The following CLSTN2 variants were observed in gnomAD, a reference collection of about 807,000 sequenced individuals.
The protein encoded by CLSTN2 is calsyntenin-2.
Under a neutral mutation model 101.2 loss-of-function variants are expected in CLSTN2, and 48 were observed. That is an observed-to-expected ratio of 0.47 (90% CI 0.38 to 0.60). The LOEUF is 0.60. Among genes scored for constraint, CLSTN2 ranks in the 20% least tolerant of loss-of-function variants. CLSTN2 has a pLI of 0.00. For synonymous variants in CLSTN2, 481 were observed against 463.6 expected, an observed-to-expected ratio of 1.04 and a Z score of -0.48; for missense variants, 1,160 against 1,238.2, an observed-to-expected ratio of 0.94 and a Z score of 0.95.
chr3:140,231,687 G>A (rs2086373277), intron 2 of CLSTN2, among the ~76,000 whole-genome samples: 1 of 152,166 alleles, frequency 6.6e-6, no homozygotes, highest in Admixed American at 6.5e-5. Flanking sequence ...GATAAGATTG[G>A]GAATCAATTA....
chr3:139,998,773 C>A (rs2006749765), intron 1 of CLSTN2, among the ~76,000 whole-genome samples: 1 of 152,112 alleles, frequency 6.6e-6, no homozygotes, highest in East Asian at 1.9e-4. Context: ...AGCTTCAGAA[C>A]TGCAGAGTCT....
chr3:140,203,030 C>G (rs893701830), intron 2 of CLSTN2, among the ~76,000 whole-genome samples: 1 of 152,122 alleles, frequency 6.6e-6, no homozygotes, highest in Non-Finnish European at 1.5e-5. Context: ...ATAGTGGAAC[C>G]CCAAGGTGGG....
intron 2 of CLSTN2, among the ~76,000 whole-genome samples, chr3:140,377,238 C>G (rs1452223797): frequency 6.6e-6 from 1 of 152,140 alleles, no homozygotes; most frequent in Non-Finnish European, 1.5e-5. Flanking sequence ...TACTGCACTG[C>G]TAGTCATATA....
intron 8 of CLSTN2, chr3:140,508,216 T>C (rs1375085735): frequency 6.6e-6 from 1 of 151,410 alleles, no homozygotes; most frequent in Non-Finnish European, 1.5e-5. Context: ...GCCAGGGACT[T>C]CTCAACTCTT....
intron 1 of CLSTN2, among the ~76,000 whole-genome samples, chr3:140,046,873 G>A (rs191232504): frequency 6.6e-6 from 1 of 151,942 alleles, no homozygotes; most frequent in African/African-American, 2.4e-5. Flanking sequence ...TTCCACATTT[G>A]AGTGAAGTGC....
At chr3:140,189,359 T>G (rs956078680) in intron 2 of CLSTN2, among the ~76,000 whole-genome samples, 5 of 152,202 alleles carry the variant, frequency 3.3e-5, no homozygotes, top group Non-Finnish European at 7.3e-5. Context: ...ATTTTTACTT[T>G]CCCACCGGCA....
chr3:140,144,289 C>T (rs920409080), intron 1 of CLSTN2, among the ~76,000 whole-genome samples: 2 of 152,140 alleles, frequency 1.3e-5, no homozygotes, highest in African/African-American at 2.4e-5. Context: ...TAGAAGATTG[C>T]AGACTTATTC....
At chr3:140,541,138 A>G (rs1189421802) in intron 9 of CLSTN2, among the ~76,000 whole-genome samples, 2 of 151,604 alleles carry the variant, frequency 1.3e-5, no homozygotes, top group East Asian at 3.9e-4. Flanking sequence ...GCCACATCTC[A>G]TTGTCTGGCA....
intron 1 of CLSTN2, among the ~76,000 whole-genome samples, chr3:140,171,381 T>C (rs1576454106): frequency 6.6e-6 from 1 of 151,856 alleles, no homozygotes; most frequent in Non-Finnish European, 1.5e-5. Context: ...TAGACTGCTT[T>C]CCAGTTAGTT....
At chr3:140,421,504 A>G (rs952808758) in intron 5 of CLSTN2, among the ~76,000 whole-genome samples, 1 of 152,214 alleles carries the variant, frequency 6.6e-6, no homozygotes, top group African/African-American at 2.4e-5. Context: ...CAGTTTGTCC[A>G]GTGCTCCCTT....
At chr3:140,119,561 C>T (rs1301099987) in intron 1 of CLSTN2, among the ~76,000 whole-genome samples, 1 of 152,160 alleles carries the variant, frequency 6.6e-6, no homozygotes, top group African/African-American at 2.4e-5. Flanking sequence ...GTTGCCCAGG[C>T]TAGAGTACAG....
At chr3:140,240,150 CTG>C (rs56181174) in intron 2 of CLSTN2, among the ~76,000 whole-genome samples, 6,238 of 18,146 alleles carry the variant, frequency 0.34, 1,196 homozygotes, top group East Asian at 0.52. Flanking sequence ...CTCTCTCTCT[CTG>C]TCTCTCTCTC....
intron 1 of CLSTN2, among the ~76,000 whole-genome samples, chr3:139,983,985 T>C (rs1935980535): frequency 6.6e-6 from 1 of 152,230 alleles, no homozygotes; most frequent in African/African-American, 2.4e-5. Flanking sequence ...TTCCTTACAT[T>C]TCTTTCTTTC....
chr3:139,940,861 A>C (rs1471509007), intron 1 of CLSTN2, among the ~76,000 whole-genome samples: 1 of 152,058 alleles, frequency 6.6e-6, no homozygotes, highest in African/African-American at 2.4e-5. Flanking sequence ...TTGCTATCTA[A>C]GTAAATAAAC....
At chr3:140,532,876 T>C (rs1935286996) in intron 9 of CLSTN2, among the ~76,000 whole-genome samples, 1 of 152,172 alleles carries the variant, frequency 6.6e-6, no homozygotes, top group African/African-American at 2.4e-5. Flanking sequence ...GGATCTCCCT[T>C]TATCCCCACA....
chr3:140,337,714 G>A (rs76175701), intron 2 of CLSTN2, among the ~76,000 whole-genome samples: 2,615 of 152,212 alleles, frequency 0.017, 74 homozygotes, highest in African/African-American at 0.058. Flanking sequence ...GATTTCTTGA[G>A]CCCCAGATTA....
chr3:140,018,011 G>C (rs565872558), intron 1 of CLSTN2, among the ~76,000 whole-genome samples: 37 of 152,248 alleles, frequency 2.4e-4, no homozygotes, highest in African/African-American at 8.2e-4. Flanking sequence ...GTCTATTTTT[G>C]TTTCTAAAGA....
At chr3:140,329,279 C>A (rs775385526) in intron 2 of CLSTN2, among the ~76,000 whole-genome samples, 9 of 152,220 alleles carry the variant, frequency 5.9e-5, no homozygotes, top group Non-Finnish European at 1.0e-4. Context: ...ATCCCACCTA[C>A]TCAGGAAGGT....
intron 1 of CLSTN2, among the ~76,000 whole-genome samples, chr3:139,968,450 G>A (rs965598755): frequency 6.6e-6 from 1 of 152,138 alleles, no homozygotes; most frequent in African/African-American, 2.4e-5. Context: ...TATCAAAAGG[G>A]CTTGTGGGAG....
Sources: allele counts gnomAD v4.1 joint callset (sites outside exome capture counted in the v4.1 genomes callset), GRCh38; gene constraint gnomAD v4.1.1; transcripts MANE v1.5; gene names NCBI Gene and HGNC (gene_info 2026-07-23, HGNC 2026-07-21).